The following ALDH18A1 variants were observed in gnomAD, a reference collection of about 807,000 sequenced individuals.
ALDH18A1 encodes the protein delta-1-pyrroline-5-carboxylate synthase.
A neutral mutation model predicts 88.8 loss-of-function variants in ALDH18A1; 44 were observed. The ratio of observed to expected loss-of-function variants is 0.50; its 90% CI spans 0.39 to 0.64. The LOEUF is 0.64. Among genes scored for constraint, ALDH18A1 ranks in the 30% least tolerant of loss-of-function variants. ALDH18A1 has a pLI of 0.00. For missense variants in ALDH18A1, 782 were observed against 1,009.5 expected, an observed-to-expected ratio of 0.77 and a Z score of 3.05; for synonymous variants, 331 against 372.1, an observed-to-expected ratio of 0.89 and a Z score of 1.27.
intron 1 of ALDH18A1, among the ~76,000 whole-genome samples, chr10:95,656,223 G>C (rs1021093453): frequency 2.0e-5 from 3 of 152,122 alleles, no homozygotes; most frequent in African/African-American, 7.2e-5. Flanking sequence ...ACCAGTGCAG[G>C]CTCCATACTC....
chr10:95,641,833 G>C (rs1213402474), intron 3 of ALDH18A1, among the ~76,000 whole-genome samples: 1 of 152,034 alleles, frequency 6.6e-6, no homozygotes, highest in East Asian at 1.9e-4. Context: ...TAGAGATGGG[G>C]GTCTCACTAT....
At position 95,606,961 on chromosome 10, in the gene ALDH18A1, TA is replaced by T; in HGVS notation, c.2207-19del. 1 of 1,612,596 alleles carries T rather than the reference TA, an allele frequency of 6.2e-7. No individual in the cohort carries two copies. The highest frequency in any genetic ancestry group is 1.1e-5 in the South Asian group (1 of 91,042). On this transcript the variant is annotated intron_variant, in intron 17 of 17. Coordinates refer to ENST00000371224, the MANE Select transcript of ALDH18A1 (RefSeq NM_002860.4). The stretch of plus-strand genomic sequence containing the variant: ...TTCAGCTCCTGTGAAAAAGCATGAA[TA>T]AAAGATGTAGCTTTTCCCAGCCTCT...
In ALDH18A1 at chr10:95,606,105, C is replaced by A; in HGVS notation, c.*657G>T. Reference sequence around the variant, plus strand: ...ATTCCTCCAGCTCAGTGGGGAACATCCTGAAACTTGCATCTCCTGCTGCAG... The same window carrying A: ...ATTCCTCCAGCTCAGTGGGGAACATACTGAAACTTGCATCTCCTGCTGCAG... On this transcript the variant is annotated 3_prime_UTR_variant, in exon 18 of 18. Coordinates refer to ENST00000371224, the MANE Select transcript of ALDH18A1 (RefSeq NM_002860.4). The A allele has an allele frequency of 1.3e-5, 4 of 304,082 alleles. No homozygotes were observed. Among genetic ancestry groups the A allele is most frequent in the Non-Finnish European group, 1.9e-5 (4 of 206,484 alleles). 18.8% of individuals were successfully genotyped at this position (304,082 alleles called of 1,614,324 possible).
Position 95,616,473 on chromosome 10 carries a change from C to T in ALDH18A1, c.1605+4G>A, listed in dbSNP as rs769663012. 11 of 1,561,460 alleles carry T rather than the reference C, an allele frequency of 7.0e-6. No homozygotes were observed. Among genetic ancestry groups the T allele is most frequent in the Non-Finnish European group, 9.6e-6 (11 of 1,151,824 alleles). ...CCTGACTTGGTGCATTCCCAGGGAC[C>T]TACCAGTTGCACGGCCTCCTTGACT... is the stretch of plus-strand genomic sequence containing the variant. On this transcript the variant is annotated splice_donor_region_variant and intron_variant, in intron 13 of 17. Coordinates refer to ENST00000371224, the MANE Select transcript of ALDH18A1 (RefSeq NM_002860.4).
chr10:95,655,681 A>AGAGTGTGTGTGTGTGT (rs1366372388), intron 1 of ALDH18A1, among the ~76,000 whole-genome samples: 1 of 150,168 alleles, frequency 6.7e-6, no homozygotes, highest in African/African-American at 2.5e-5. Flanking sequence ...GAGCAAAGAG[A>AGAGTGTGTGTGTGTGT]GTGTGTGTGT....
intron 2 of ALDH18A1, among the ~76,000 whole-genome samples, chr10:95,652,956 G>A (rs767298360): frequency 9.2e-5 from 14 of 152,066 alleles, no homozygotes; most frequent in Non-Finnish European, 2.1e-4. Flanking sequence ...GGAGGCCAAG[G>A]CAGGCAGATT....
chr10:95,630,724 G>A (rs976401156), intron 7 of ALDH18A1, among the ~76,000 whole-genome samples: 4 of 152,026 alleles, frequency 2.6e-5, no homozygotes, highest in Non-Finnish European at 5.9e-5. Context: ...GGGGTGGGGA[G>A]AATGAATAAA....
At position 95,611,338 on chromosome 10, in the gene ALDH18A1, T is replaced by C. The variant is rs1327684346; in HGVS notation, c.2028A>G (p.Glu676=). Residue 676 remains glutamate (E), a synonymous_variant, in exon 16 of 18, where the codon GAA becomes GAG. Coordinates refer to ENST00000371224, the MANE Select transcript of ALDH18A1 (RefSeq NM_002860.4). The part of the protein sequence containing the change: ...TEYGDLELCI[E]VVDNVQDAID... ...TGGCATCCTGAACGTTGTCCACTAC[T>C]TCAATGCATAATTCCAGGTCCCCAT... 2 of 1,614,232 alleles carry C rather than the reference T, an allele frequency of 1.2e-6. No individual in the cohort carries two copies. The highest frequency in any genetic ancestry group is 1.1e-5 in the South Asian group (1 of 91,090).
intron 17 of ALDH18A1, among the ~76,000 whole-genome samples, chr10:95,609,828 C>T (rs1180398104): frequency 2.2e-5 from 3 of 135,018 alleles, no homozygotes; most frequent in African/African-American, 5.5e-5. Flanking sequence ...AGTGCTGTAG[C>T]GTAATCTCGG....
At chr10:95,633,132 G>A in intron 6 of ALDH18A1, 83 bp from the exon 7 acceptor site, 2 of 1,274,852 alleles carry the variant, frequency 1.6e-6, no homozygotes, top group Non-Finnish European at 2.3e-6. Flanking sequence ...CCAAGCTCAG[G>A]CAAAACCAAG....
At chr10:95,631,128 T>A (rs2097868531) in intron 7 of ALDH18A1, among the ~76,000 whole-genome samples, 1 of 152,170 alleles carries the variant, frequency 6.6e-6, no homozygotes, top group South Asian at 2.1e-4. Flanking sequence ...ATATTTCTTA[T>A]GGGTCAGACT....
chr10:95,621,162 A>C lies in ALDH18A1; in HGVS notation c.1336T>G (p.Ser446Ala). 1.2e-6 allele frequency: 2 copies of C among 1,613,988 alleles called. No homozygotes were observed. Among genetic ancestry groups the C allele is most frequent in the Non-Finnish European group, 1.7e-6 (2 of 1,180,006 alleles). ...LAIGLRQIAA[S>A]SQDSVGRVLR... The stretch of plus-strand genomic sequence containing the variant: ...ACACGTCCCACGCTGTCCTGGGAGG[A>C]GGCTGCGATCTGTCGCAGACCGATG... The change falls in exon 12 of 18, where the codon TCC becomes GCC. Residue 446 changes from serine (S) to alanine (A), a missense_variant. Around this residue, in one of 3 missense-constraint regions of ALDH18A1, gnomAD observed 556 missense variants for 654.5 expected, o/e 0.85. Coordinates refer to ENST00000371224, the MANE Select transcript of ALDH18A1 (RefSeq NM_002860.4).
chr10:95,616,822 C>G, intron 12 of ALDH18A1: 1 of 674,768 alleles, frequency 1.5e-6, no homozygotes, highest in Non-Finnish European at 2.5e-6. Flanking sequence ...CCCAGAGAGG[C>G]TGATGACTCC....
intron 3 of ALDH18A1, among the ~76,000 whole-genome samples, chr10:95,638,165 C>A (rs1178110270): frequency 6.6e-6 from 1 of 152,144 alleles, no homozygotes; most frequent in Non-Finnish European, 1.5e-5. Flanking sequence ...AGGCTCATGC[C>A]ACCATGCCCA....
chr10:95,632,223 G>T (rs1445925009), intron 7 of ALDH18A1, among the ~76,000 whole-genome samples: 1 of 152,196 alleles, frequency 6.6e-6, no homozygotes, highest in African/African-American at 2.4e-5. Flanking sequence ...GGGATGGGGA[G>T]TTTGGGTAGA....
At chr10:95,636,027 G>A (rs1324490658) in intron 5 of ALDH18A1, among the ~76,000 whole-genome samples, 1 of 152,108 alleles carries the variant, frequency 6.6e-6, no homozygotes, top group Non-Finnish European at 1.5e-5. Context: ...ACAGAAAGTG[G>A]GGTCCCCAGC....
chr10:95,623,157 C>G (rs2097855482), intron 11 of ALDH18A1, among the ~76,000 whole-genome samples: 1 of 152,016 alleles, frequency 6.6e-6, no homozygotes, highest in Non-Finnish European at 1.5e-5. Flanking sequence ...TTACTTTTCC[C>G]CATATGCTAA....
At chr10:95,649,682 C>T (rs532740932) in intron 2 of ALDH18A1, among the ~76,000 whole-genome samples, 1 of 152,008 alleles carries the variant, frequency 6.6e-6, no homozygotes, top group East Asian at 1.9e-4. Context: ...ATTAAATGTG[C>T]CAAGACTGGG....
intron 13 of ALDH18A1, among the ~76,000 whole-genome samples, chr10:95,614,983 A>C (rs1005476523): frequency 5.3e-5 from 8 of 152,218 alleles, no homozygotes; most frequent in Non-Finnish European, 1.2e-4. Flanking sequence ...TAACGAACAA[A>C]TGACAGGCAA....
Sources: gnomAD v4.1 joint callset for allele counts (sites outside exome capture counted in the v4.1 genomes callset) on GRCh38, gnomAD v4.1.1 for gene constraint, gnomAD v4.1.1 regional missense constraint, MANE v1.5 for transcripts, NCBI Gene and HGNC (gene_info 2026-07-23, HGNC 2026-07-21) for gene names.